Variants in DSCAM observed in about 807,000 individuals in gnomAD.
The protein encoded by DSCAM is cell adhesion molecule DSCAM.
A neutral mutation model predicts 217.7 loss-of-function variants in DSCAM; 47 were observed. The observed-to-expected ratio is 0.22, with a 90% confidence interval of 0.17 to 0.28. The LOEUF is 0.28. DSCAM is among the 10% of genes least tolerant of loss of function. DSCAM has a pLI of 1.00. For missense variants in DSCAM, 2,080 were observed against 2,618.3 expected (o/e 0.79, Z 4.49); for synonymous variants, 1,056 against 1,015.3 (o/e 1.04, Z -0.76).
chr21:40,820,413 G>T (rs2091915138), intron 1 of DSCAM, among the ~76,000 whole-genome samples: 1 of 152,084 alleles, frequency 6.6e-6, no homozygotes, highest in African/African-American at 2.4e-5. Flanking sequence ...TGAACAATGA[G>T]AACACATGGA....
chr21:40,055,462 A>G (rs951600036), intron 29 of DSCAM, among the ~76,000 whole-genome samples: 1 of 152,126 alleles, frequency 6.6e-6, no homozygotes, highest in Non-Finnish European at 1.5e-5. Context: ...TCCCAAATGG[A>G]TCAGAGCTGA....
At chr21:40,236,765 C>A (rs1314845844) in intron 11 of DSCAM, among the ~76,000 whole-genome samples, 1 of 152,144 alleles carries the variant, frequency 6.6e-6, no homozygotes, top group African/African-American at 2.4e-5. Context: ...CATGACTGAT[C>A]TACAGTAAGC....
At chr21:40,754,909 A>C (rs1040485417) in intron 1 of DSCAM, among the ~76,000 whole-genome samples, 1 of 152,220 alleles carries the variant, frequency 6.6e-6, no homozygotes, top group African/African-American at 2.4e-5. Context: ...TATGGTAAGC[A>C]TTTCATTTGA....
At position 40,353,734 on chromosome 21, in the gene DSCAM, T is replaced by G; in HGVS notation, c.665A>C (p.Asn222Thr). Residue 222 changes from asparagine (N) to threonine (T), a missense_variant, in exon 5 of 33, where the codon AAC becomes ACC. Physicochemically the swap from Asn to Thr is moderately conservative, Grantham distance 65. This residue lies in a region of DSCAM where 568 missense variants were observed against 678.1 expected (regional missense o/e 0.84). Coordinates refer to ENST00000400454, the MANE Select transcript of DSCAM (RefSeq NM_001389.5). ...SARLFVSDPANSAPSILDGFD... is the reference protein window; with the variant it reads ...SARLFVSDPATSAPSILDGFD... The stretch of plus-strand genomic sequence containing the variant: ...CCCATCCAGTATGGATGGGGCTGAG[T>G]TCGCTGGGTCTGTAGAAGAAATAAA... The G allele has an allele frequency of 6.5e-7, 1 of 1,546,260 alleles. No individual in the cohort carries two copies. The highest frequency in any genetic ancestry group is 8.7e-7 in the Non-Finnish European group (1 of 1,153,286).
At chr21:40,756,919 A>G (rs1486646362) in intron 1 of DSCAM, among the ~76,000 whole-genome samples, 1 of 151,908 alleles carries the variant, frequency 6.6e-6, no homozygotes, top group Admixed American at 6.6e-5. Context: ...AGTCTGTGCG[A>G]TTTATCTCTG....
At chr21:40,283,533 A>G (rs1166855197) in intron 10 of DSCAM, among the ~76,000 whole-genome samples, 1 of 152,242 alleles carries the variant, frequency 6.6e-6, no homozygotes, top group Non-Finnish European at 1.5e-5. Context: ...GATTGTCACC[A>G]AATGAGCCCA....
intron 11 of DSCAM, among the ~76,000 whole-genome samples, chr21:40,203,475 G>A (rs910689437): frequency 3.9e-5 from 6 of 152,144 alleles, no homozygotes; most frequent in African/African-American, 2.4e-5. Flanking sequence ...TCCCCTACCC[G>A]TCACCCAGAG....
At chr21:40,583,906 TAA>T (rs10681677) in intron 3 of DSCAM, among the ~76,000 whole-genome samples, 7 of 140,104 alleles carry the variant, frequency 5.0e-5, no homozygotes, top group African/African-American at 1.6e-4. Flanking sequence ...TAAAGTCTAT[TAA>T]AAAAAAAAAA....
At chr21:40,723,998 T>C (rs1569003003) in intron 1 of DSCAM, among the ~76,000 whole-genome samples, 1 of 152,206 alleles carries the variant, frequency 6.6e-6, no homozygotes, top group East Asian at 1.9e-4. Context: ...TGCAATCCAT[T>C]TCTAGAGTAC....
chr21:40,129,843 T>C (rs1334320430), intron 19 of DSCAM, among the ~76,000 whole-genome samples: 1 of 152,112 alleles, frequency 6.6e-6, no homozygotes, highest in Non-Finnish European at 1.5e-5. Flanking sequence ...AGGCACACAC[T>C]ATCCACACCT....
chr21:40,764,456 G>A (rs559763389), intron 1 of DSCAM, among the ~76,000 whole-genome samples: 8 of 152,262 alleles, frequency 5.3e-5, no homozygotes, highest in South Asian at 4.1e-4. Flanking sequence ...AACAACAGAC[G>A]CTGGTGAGGA....
In DSCAM at chr21:40,512,010, A is replaced by AAAAAAAT. The variant is rs61560593; in HGVS notation, c.509-142766_509-142765insATTTTTT. Among the ~76,000 whole-genome samples the AAAAAAAT allele has an allele frequency of 1.4e-3, 147 of 106,394 alleles. 23 individuals are homozygous for AAAAAAAT. The highest frequency in any genetic ancestry group is 2.1e-3 in the Admixed American group (20 of 9,344). The allele number at this position is 106,394 out of a possible 152,430, so 69.8% of individuals were successfully genotyped here. ...TGTCTCAAAAAAAAAAAAAAAAAAAAGTATTCTATTTGAGGTCTTGCTTTT... is the reference window on the plus strand; with the variant it reads ...TGTCTCAAAAAAAAAAAAAAAAAAAAAAAAAATGTATTCTATTTGAGGTCTTGCTTTT... On this transcript the variant is annotated intron_variant, in intron 3 of 32. Coordinates refer to ENST00000400454, the MANE Select transcript of DSCAM (RefSeq NM_001389.5).
At chr21:40,605,317 T>A (rs1462031103) in intron 3 of DSCAM, among the ~76,000 whole-genome samples, 3 of 152,186 alleles carry the variant, frequency 2.0e-5, no homozygotes, top group African/African-American at 7.2e-5. Context: ...GACCAGTGGT[T>A]TGCCCTGTGA....
At chr21:40,334,703 GC>G (rs1365146715) in intron 8 of DSCAM, among the ~76,000 whole-genome samples, 1 of 127,658 alleles carries the variant, frequency 7.8e-6, no homozygotes, top group East Asian at 2.5e-4. Context: ...ATTCACAGGT[GC>G]AAATATAGTG....
Position 40,447,068 on chromosome 21 carries a change from T to A in DSCAM, c.509-77823A>T, listed in dbSNP as rs1408096250. On this transcript the variant is annotated intron_variant, in intron 3 of 32. Coordinates refer to ENST00000400454, the MANE Select transcript of DSCAM (RefSeq NM_001389.5). ...TTATTCTGTCATGCTCTGGCAGAGA[T>A]GGTGTGGGATGCAGATGAGATCCCT... 2.6e-5 allele frequency among the ~76,000 whole-genome samples: 4 copies of A among 152,274 alleles called. No individual in the cohort carries two copies. In the East Asian group the frequency reaches 7.7e-4, roughly 29 times the overall value.
At chr21:40,395,040 C>T (rs1312848706) in intron 3 of DSCAM, among the ~76,000 whole-genome samples, 2 of 152,108 alleles carry the variant, frequency 1.3e-5, no homozygotes, top group Non-Finnish European at 2.9e-5. Context: ...TCGTTTGATA[C>T]AAATATACTG....
At chr21:40,411,111 G>A (rs922875820) in intron 3 of DSCAM, among the ~76,000 whole-genome samples, 1 of 150,858 alleles carries the variant, frequency 6.6e-6, no homozygotes, top group African/African-American at 2.4e-5. Context: ...GAAATACACT[G>A]TAATAAGATT....
At chr21:40,799,610 T>C (rs1323496557) in intron 1 of DSCAM, among the ~76,000 whole-genome samples, 1 of 152,332 alleles carries the variant, frequency 6.6e-6, no homozygotes, top group East Asian at 1.9e-4. Context: ...ATTTCCCTTT[T>C]TCAGCTTGTA....
chr21:40,322,033 C>T (rs1167670922), intron 8 of DSCAM, among the ~76,000 whole-genome samples: 1 of 152,188 alleles, frequency 6.6e-6, no homozygotes, highest in Non-Finnish European at 1.5e-5. Context: ...TCAGCCTACC[C>T]TATGCCCAGA....
Sources: allele counts gnomAD v4.1 joint callset (sites outside exome capture counted in the v4.1 genomes callset), GRCh38; gene constraint gnomAD v4.1.1; regional missense constraint gnomAD v4.1.1; transcripts MANE v1.5; gene names NCBI Gene and HGNC (gene_info 2026-07-23, HGNC 2026-07-21).